The following MEIS2 variants were observed in gnomAD, a reference collection of about 807,000 sequenced individuals.
MEIS2 encodes the protein homeobox protein Meis2.
MEIS2 carries 9 observed loss-of-function variants against 58.6 expected under a neutral mutation model. That is an observed-to-expected ratio of 0.15 (90% CI 0.09 to 0.27). The LOEUF (loss-of-function observed/expected upper bound fraction) is 0.27, where lower values mean the gene tolerates loss of function less well. MEIS2 is among the 10% of genes least tolerant of loss of function. The pLI is 1.00. For missense variants in MEIS2, 427 were observed against 635.0 expected, an observed-to-expected ratio of 0.67 and a Z score of 3.52; for synonymous variants, 221 against 228.4, an observed-to-expected ratio of 0.97 and a Z score of 0.29.
intron 9 of MEIS2, among the ~76,000 whole-genome samples, chr15:36,931,504 C>A (rs148497317): frequency 6.6e-6 from 1 of 152,262 alleles, no homozygotes; most frequent in African/African-American, 2.4e-5. Flanking sequence ...TAATGGCATA[C>A]AACAAAATTG....
At chr15:37,091,200 A>G (rs1306736705) in intron 6 of MEIS2, among the ~76,000 whole-genome samples, 1 of 152,188 alleles carries the variant, frequency 6.6e-6, no homozygotes, top group African/African-American at 2.4e-5. Context: ...GAAAAGCATA[A>G]GAGGATTTGC....
chr15:36,919,554 G>A (rs953357567), intron 9 of MEIS2, among the ~76,000 whole-genome samples: 2 of 148,892 alleles, frequency 1.3e-5, no homozygotes, highest in African/African-American at 5.0e-5. Context: ...TCTAGCCTGG[G>A]CAACAAGAGT....
intron 9 of MEIS2, among the ~76,000 whole-genome samples, chr15:36,935,039 C>T (rs910072143): frequency 4.6e-5 from 7 of 152,122 alleles, no homozygotes; most frequent in African/African-American, 1.4e-4. Flanking sequence ...TTTGTTCACT[C>T]GCTGCCCTGG....
At chr15:36,904,318 A>AC (rs2056619126) in intron 9 of MEIS2, among the ~76,000 whole-genome samples, 2 of 66,668 alleles carry the variant, frequency 3.0e-5, no homozygotes, top group East Asian at 5.0e-4. Context: ...CCTTCCTCCC[A>AC]CCCCCACCAT....
At chr15:37,000,464 G>C (rs375710505) in intron 8 of MEIS2, among the ~76,000 whole-genome samples, 7 of 152,230 alleles carry the variant, frequency 4.6e-5, no homozygotes, top group African/African-American at 1.7e-4. Context: ...AAATGGCCAA[G>C]CTTTTCATGT....
At chr15:37,005,901 A>G (rs1403547) in intron 8 of MEIS2, among the ~76,000 whole-genome samples, 147,299 of 152,320 alleles carry the variant, frequency 0.97, 71,422 homozygotes, top group Middle Eastern at 1. Context: ...TTTGATTCCT[A>G]TAGAAGAGGA....
intron 7 of MEIS2, among the ~76,000 whole-genome samples, chr15:37,038,535 A>C (rs35572469): frequency 6.6e-6 from 1 of 152,184 alleles, no homozygotes; most frequent in Non-Finnish European, 1.5e-5. Context: ...GATGACCCTC[A>C]CTATTTACAG....
chr15:36,915,345 G>A (rs2057229311), intron 9 of MEIS2, among the ~76,000 whole-genome samples: 1 of 152,136 alleles, frequency 6.6e-6, no homozygotes, highest in African/African-American at 2.4e-5. Context: ...CTGTTCAGCT[G>A]GGCTGTGTGC....
chr15:36,930,202 T>TAAA (rs370695754), intron 9 of MEIS2, among the ~76,000 whole-genome samples: 1,108 of 94,222 alleles, frequency 0.012, 38 homozygotes, highest in African/African-American at 0.045. Flanking sequence ...GACTCAGTCT[T>TAAA]AAAAAAAAAA....
chr15:37,039,947 C>T (rs1383655488), intron 7 of MEIS2, among the ~76,000 whole-genome samples: 1 of 152,112 alleles, frequency 6.6e-6, no homozygotes, highest in Non-Finnish European at 1.5e-5. Context: ...GAACTAACAA[C>T]AGCATAACGA....
At chr15:36,988,339 T>C (rs2060159923) in intron 8 of MEIS2, among the ~76,000 whole-genome samples, 1 of 152,198 alleles carries the variant, frequency 6.6e-6, no homozygotes, top group African/African-American at 2.4e-5. Flanking sequence ...ACTTTATCCT[T>C]TGGGGAACCC....
intron 7 of MEIS2, among the ~76,000 whole-genome samples, chr15:37,073,562 C>A (rs1206887528): frequency 3.9e-5 from 6 of 151,958 alleles, no homozygotes; most frequent in African/African-American, 7.2e-5. Context: ...AGTGAGAGCT[C>A]CCTGACTCCA....
At chr15:36,996,010 T>TATACAC (rs2060502270) in intron 8 of MEIS2, among the ~76,000 whole-genome samples, 4 of 124,400 alleles carry the variant, frequency 3.2e-5, no homozygotes, top group East Asian at 5.3e-4. Flanking sequence ...TATGTATATA[T>TATACAC]ATATACATAT....
intron 9 of MEIS2, among the ~76,000 whole-genome samples, chr15:36,922,317 C>T (rs1033597211): frequency 2.6e-5 from 4 of 152,058 alleles, no homozygotes; most frequent in African/African-American, 4.8e-5. Context: ...TCAAGTGAGA[C>T]AGCATATATA....
chr15:36,904,600 C>T (rs1276552879), intron 9 of MEIS2, among the ~76,000 whole-genome samples: 4 of 151,322 alleles, frequency 2.6e-5, no homozygotes, highest in African/African-American at 9.7e-5. Flanking sequence ...TGGCATTACA[C>T]TCTTTGAATC....
At chr15:37,100,708 AGTGT>A (rs932464293), upstream of MEIS2, among the ~76,000 whole-genome samples, 15 of 145,426 alleles carry the variant, frequency 1.0e-4, no homozygotes, top group Admixed American at 4.7e-4. Flanking sequence ...TGTGTGTGTG[AGTGT>A]GTGTGTATGT....
intron 8 of MEIS2, among the ~76,000 whole-genome samples, chr15:36,971,103 TG>T (rs1307801135): frequency 7.0e-6 from 1 of 143,398 alleles, no homozygotes; most frequent in Non-Finnish European, 1.5e-5. Context: ...GTGGTGGGCT[TG>T]GGGGGGTGGG....
intron 7 of MEIS2, among the ~76,000 whole-genome samples, chr15:37,039,391 A>G (rs1391690105): frequency 3.3e-5 from 5 of 152,248 alleles, no homozygotes; most frequent in African/African-American, 7.2e-5. Context: ...TGAAATTGTC[A>G]GGATTTTGTT....
chr15:36,909,486 T>C (rs532451376), intron 9 of MEIS2, among the ~76,000 whole-genome samples: 55 of 152,318 alleles, frequency 3.6e-4, no homozygotes, highest in African/African-American at 1.3e-3. Flanking sequence ...AGGATTTTCT[T>C]GTTCTCATTT....
Sources: gnomAD v4.1 joint callset for allele counts (sites outside exome capture counted in the v4.1 genomes callset) on GRCh38, gnomAD v4.1.1 for gene constraint, MANE v1.5 for transcripts, NCBI Gene and HGNC (gene_info 2026-07-23, HGNC 2026-07-21) for gene names.